Variants in MAJIN observed in about 807,000 individuals in gnomAD.
MAJIN encodes the protein membrane anchored junction protein.
In MAJIN, 27 loss-of-function variants were observed where a neutral mutation model predicts 30.2. That is an observed-to-expected ratio of 0.89 (90% CI 0.66 to 1.23). The LOEUF (loss-of-function observed/expected upper bound fraction) is 1.23. Among genes scored for constraint, MAJIN ranks in the 50% most tolerant of loss-of-function variants. The pLI, the probability that MAJIN is intolerant of heterozygous loss-of-function variation, is 0.00. For synonymous variants in MAJIN, 78 were observed against 91.6 expected (o/e 0.85, Z 0.85); for missense variants, 253 against 260.3 (o/e 0.97, Z 0.19).
At chr11:64,966,420 A>G (rs554707695) in intron 1 of MAJIN, among the ~76,000 whole-genome samples, 152 of 152,084 alleles carry the variant, frequency 1.0e-3, no homozygotes, top group Non-Finnish European at 1.6e-3. Context: ...CTGTAGTCCC[A>G]GATACTCGGG....
At chr11:64,967,950 A>G (rs1041128244) in intron 1 of MAJIN, among the ~76,000 whole-genome samples, 1 of 152,344 alleles carries the variant, frequency 6.6e-6, no homozygotes, top group East Asian at 1.9e-4. Context: ...TTTAGCTAGT[A>G]TGGCCAGTGA....
intron 8 of MAJIN, among the ~76,000 whole-genome samples, chr11:64,945,773 G>A (rs1246943697): frequency 1.3e-5 from 2 of 152,114 alleles, no homozygotes; most frequent in Non-Finnish European, 2.9e-5. Flanking sequence ...CTGACTTCAG[G>A]TGATCCGCCT....
In MAJIN at chr11:64,938,557, G is replaced by A. The variant is rs531700220; in HGVS notation, c.*18C>T. 5.4e-5 allele frequency: 83 copies of A among 1,535,796 alleles called. No individual in the cohort carries two copies. In the East Asian group the frequency reaches 1.6e-3, roughly 29 times the overall value. On this transcript the variant is annotated 3_prime_UTR_variant, in exon 11 of 11. Coordinates refer to ENST00000301896, the MANE Select transcript of MAJIN (RefSeq NM_001037225.3). Reference sequence around the variant, plus strand: ...TGGCTGCTCTTCCTGAAGAAATATCGAAACGGGAAGAGAGAGCTGCAAGAA... The same window carrying A: ...TGGCTGCTCTTCCTGAAGAAATATCAAAACGGGAAGAGAGAGCTGCAAGAA...
intron 1 of MAJIN, among the ~76,000 whole-genome samples, chr11:64,960,926 T>C (rs542847569): frequency 4.6e-5 from 7 of 152,254 alleles, no homozygotes; most frequent in African/African-American, 7.2e-5. Context: ...TAGACTAGAA[T>C]TGCAGTCAAA....
intron 8 of MAJIN, among the ~76,000 whole-genome samples, chr11:64,941,477 CA>C (rs769962258): frequency 2.6e-4 from 40 of 151,906 alleles, no homozygotes; most frequent in Non-Finnish European, 5.1e-4. Context: ...CCAACATGGT[CA>C]AACCCTGTCT....
At chr11:64,948,481 G>C (rs1270812112) in intron 6 of MAJIN, among the ~76,000 whole-genome samples, 1 of 148,894 alleles carries the variant, frequency 6.7e-6, no homozygotes, top group Non-Finnish European at 1.5e-5. Flanking sequence ...CCAGGCAGAA[G>C]TGCAGTGGTG....
chr11:64,961,650 G>T (rs1371020532), intron 1 of MAJIN, among the ~76,000 whole-genome samples: 1 of 149,530 alleles, frequency 6.7e-6, no homozygotes, highest in South Asian at 2.1e-4. Flanking sequence ...TAATTTTTTT[G>T]TATTTTTAGT....
intron 3 of MAJIN, among the ~76,000 whole-genome samples, chr11:64,958,229 C>G (rs971779271): frequency 1.3e-5 from 2 of 151,670 alleles, no homozygotes; most frequent in African/African-American, 4.9e-5. Flanking sequence ...GGATTACAGG[C>G]GTGAGCCACT....
At chr11:64,969,689 ACT>A (rs1341384225) in intron 1 of MAJIN, among the ~76,000 whole-genome samples, 4 of 150,190 alleles carry the variant, frequency 2.7e-5, no homozygotes, top group Non-Finnish European at 1.5e-5. Context: ...GGCAGGCAAG[ACT>A]CTGTCTTTTT....
intron 9 of MAJIN, 102 bp from the exon 10 acceptor site, chr11:64,939,869 G>T (rs1248754533): frequency 2.1e-6 from 2 of 972,794 alleles, no homozygotes; most frequent in African/African-American, 1.6e-5. Flanking sequence ...GCAGTCTCAC[G>T]CCAAGAGTTC....
At chr11:64,954,904 A>T in intron 3 of MAJIN, 102 bp from the exon 4 acceptor site, 1 of 1,027,754 alleles carries the variant, frequency 9.7e-7, no homozygotes, top group Non-Finnish European at 1.4e-6. Context: ...AGCTAAAGAA[A>T]CATGACATAA....
intron 3 of MAJIN, 41 bp downstream of exon 3, chr11:64,959,264 A>C (rs1590703499): frequency 1.3e-6 from 2 of 1,505,820 alleles, no homozygotes; most frequent in Admixed American, 1.7e-5. Flanking sequence ...ACTAGCACTA[A>C]CTGGTGTTTG....
chr11:64,953,160 T>C (rs775209869), intron 4 of MAJIN, among the ~76,000 whole-genome samples: 1 of 152,208 alleles, frequency 6.6e-6, no homozygotes, highest in Non-Finnish European at 1.5e-5. Flanking sequence ...ATTGAGCTAC[T>C]GTGTGGCAGG....
chr11:64,969,742 G>C (rs909515638), intron 1 of MAJIN, among the ~76,000 whole-genome samples: 11 of 151,836 alleles, frequency 7.2e-5, no homozygotes. Context: ...CCAGGCTGGA[G>C]TGCAGTGGTG....
At chr11:64,939,602 G>A in intron 10 of MAJIN, 60 bp downstream of exon 10, 3 of 1,429,668 alleles carry the variant, frequency 2.1e-6, no homozygotes, top group Non-Finnish European at 2.9e-6. Flanking sequence ...TTCCCTGAAA[G>A]ACTCAATGAG....
At chr11:64,948,641 T>TATATATATA (rs1340869416) in intron 6 of MAJIN, among the ~76,000 whole-genome samples, 1 of 9,440 alleles carries the variant, frequency 1.1e-4, no homozygotes, top group African/African-American at 3.8e-4. Flanking sequence ...ATATATATAT[T>TATATATATA]TTTTTTTTTT....
chr11:64,968,250 CT>C (rs1204577514), intron 1 of MAJIN, among the ~76,000 whole-genome samples: 2 of 152,064 alleles, frequency 1.3e-5, no homozygotes, highest in Non-Finnish European at 2.9e-5. Flanking sequence ...TTGATATATG[CT>C]TTATAAATAT....
rs1438031346 is a variant in MAJIN at position 64,947,967 on chromosome 11, C to T, written c.350-148G>A. 8.6e-6 allele frequency: 6 copies of T among 698,426 alleles called. No homozygotes were observed. In the East Asian group the frequency reaches 1.4e-4, roughly 16 times the overall value. The allele number at this position is 698,426 out of a possible 1,614,324, so 43.3% of individuals were successfully genotyped here. On this transcript the variant is annotated intron_variant, in intron 6 of 10. Transcript: ENST00000301896. ...CTCCGCCTCTTGAGTTCAAGCGATTCTCCTCCCTCAGCCTCCCGAGTAGCT... is the reference window on the plus strand; with the variant it reads ...CTCCGCCTCTTGAGTTCAAGCGATTTTCCTCCCTCAGCCTCCCGAGTAGCT...
chr11:64,966,049 G>A (rs2136823405), intron 1 of MAJIN, among the ~76,000 whole-genome samples: 1 of 147,658 alleles, frequency 6.8e-6, no homozygotes, highest in Middle Eastern at 3.5e-3. Context: ...GCACTTGGAT[G>A]TAAAACTGCA....
Sources: gnomAD v4.1 joint callset for allele counts (sites outside exome capture counted in the v4.1 genomes callset) on GRCh38, gnomAD v4.1.1 for gene constraint, MANE v1.5 for transcripts, NCBI Gene and HGNC (gene_info 2026-07-23, HGNC 2026-07-21) for gene names.